The following ADGRL4 variants were observed in gnomAD, a reference collection of about 807,000 sequenced individuals.
The protein encoded by ADGRL4 is adhesion G protein-coupled receptor L4.
ADGRL4 carries 90 observed loss-of-function variants against 74.8 expected under a neutral mutation model. The observed-to-expected ratio is 1.20, with a 90% CI of 1.02 to 1.43. The LOEUF is 1.43. Among genes scored for constraint, ADGRL4 ranks in the 40% most tolerant of loss-of-function variants. The probability of loss-of-function intolerance (pLI) is 0.00; values close to 1 mark genes in which losing one functional copy is unlikely to be tolerated. For missense variants in ADGRL4, 881 were observed against 814.3 expected, an observed-to-expected ratio of 1.08 and a Z score of -1.00; for synonymous variants, 311 against 279.2, an observed-to-expected ratio of 1.11 and a Z score of -1.14.
chr1:78,922,211 C>T (rs140377029), intron 8 of ADGRL4, among the ~76,000 whole-genome samples: 1 of 151,856 alleles, frequency 6.6e-6, no homozygotes, highest in African/African-American at 2.4e-5. Flanking sequence ...AGAAAAGTAA[C>T]CCTGGGTAAG....
At chr1:78,961,744 T>G (rs1394861772) in intron 2 of ADGRL4, among the ~76,000 whole-genome samples, 1 of 152,118 alleles carries the variant, frequency 6.6e-6, no homozygotes, top group Non-Finnish European at 1.5e-5. Flanking sequence ...AAGATGCTCT[T>G]TCTGGGTGGA....
At chr1:78,946,489 C>T (rs1649604349) in intron 2 of ADGRL4, 63 bp from the exon 3 acceptor site, 41 of 1,407,526 alleles carry the variant, frequency 2.9e-5, no homozygotes, top group Non-Finnish European at 3.9e-5. Context: ...GACTATTTTC[C>T]ATCAGTATTT....
At chr1:78,972,613 GTAT>G (rs1650192053) in intron 2 of ADGRL4, among the ~76,000 whole-genome samples, 1 of 152,130 alleles carries the variant, frequency 6.6e-6, no homozygotes, top group African/African-American at 2.4e-5. Flanking sequence ...ATAAAATTTA[GTAT>G]TATTATTTTT....
At chr1:78,898,561 T>C (rs1182062750) in intron 12 of ADGRL4, among the ~76,000 whole-genome samples, 1 of 151,994 alleles carries the variant, frequency 6.6e-6, no homozygotes, top group African/African-American at 2.4e-5. Flanking sequence ...TCCATGATAC[T>C]TTGATAGAAA....
At chr1:78,992,790 C>T (rs977306252) in intron 2 of ADGRL4, among the ~76,000 whole-genome samples, 33 of 152,026 alleles carry the variant, frequency 2.2e-4, no homozygotes, top group Non-Finnish European at 1.2e-4. Flanking sequence ...ATGATTGATA[C>T]TTTTATACAA....
At chr1:78,985,387 T>G (rs562243730) in intron 2 of ADGRL4, among the ~76,000 whole-genome samples, 1 of 151,874 alleles carries the variant, frequency 6.6e-6, no homozygotes, top group Admixed American at 6.6e-5. Flanking sequence ...GGCTTAAAAT[T>G]TTTGCAATAA....
chr1:78,924,823 G>A (rs959279610), intron 8 of ADGRL4, among the ~76,000 whole-genome samples: 3 of 152,058 alleles, frequency 2.0e-5, no homozygotes, highest in African/African-American at 7.2e-5. Flanking sequence ...TTGGAGGTAA[G>A]CATGAGCGGA....
intron 12 of ADGRL4, among the ~76,000 whole-genome samples, chr1:78,908,206 T>C (rs1449007112): frequency 1.3e-5 from 2 of 151,990 alleles, no homozygotes; most frequent in Non-Finnish European, 2.9e-5. Context: ...CCTCTTGTAG[T>C]AGATCAGCTT....
At chr1:78,983,675 T>A (rs905007537) in intron 2 of ADGRL4, among the ~76,000 whole-genome samples, 8 of 151,752 alleles carry the variant, frequency 5.3e-5, no homozygotes, top group Non-Finnish European at 7.4e-5. Context: ...AGCTAACAGA[T>A]TAAAACTTTT....
At chr1:78,982,907 C>CA (rs942167971) in intron 2 of ADGRL4, among the ~76,000 whole-genome samples, 16 of 151,754 alleles carry the variant, frequency 1.1e-4, no homozygotes, top group Non-Finnish European at 2.1e-4. Flanking sequence ...GTTAGGACTT[C>CA]AAAGTGCTAC....
chr1:78,912,810 A>G lies in ADGRL4; in HGVS notation c.1749+4824T>C, dbSNP rs576752265. ...CAAATGTGAACTAATTAAACTAAAAAGCTTCTGCACAGCAAAACAATCAAC... is the reference window on the plus strand; with the variant it reads ...CAAATGTGAACTAATTAAACTAAAAGGCTTCTGCACAGCAAAACAATCAAC... On this transcript the variant is annotated intron_variant, in intron 12 of 14. Transcript: ENST00000370742. Among the ~76,000 whole-genome samples the G allele has an allele frequency of 8.1e-4, 123 of 152,074 alleles. 1 individual carries two copies. The highest frequency in any genetic ancestry group is 2.9e-3 in the African/African-American group (119 of 41,540).
At chr1:78,899,900 T>C (rs1648483275) in intron 12 of ADGRL4, among the ~76,000 whole-genome samples, 1 of 152,110 alleles carries the variant, frequency 6.6e-6, no homozygotes, top group African/African-American at 2.4e-5. Flanking sequence ...GTCCACACCT[T>C]GATTCCTGGA....
intron 2 of ADGRL4, 44 bp from the exon 3 acceptor site, chr1:78,946,470 A>G (rs758973372): frequency 6.7e-7 from 1 of 1,494,118 alleles, no homozygotes; most frequent in East Asian, 2.5e-5. Flanking sequence ...TATAATTGAC[A>G]TAAATTTTGA....
At position 78,917,825 on chromosome 1, in the gene ADGRL4, C is replaced by T; in HGVS notation, c.1682+5G>A. On this transcript the variant is annotated splice_donor_5th_base_variant and intron_variant, in intron 11 of 14. Coordinates refer to ENST00000370742, the MANE Select transcript of ADGRL4 (RefSeq NM_022159.4). ...TCAAATGCTCATGAAATCATTTTAACTTACACTTTGGTTGTGCCATAATAT... is the reference window on the plus strand; with the variant it reads ...TCAAATGCTCATGAAATCATTTTAATTTACACTTTGGTTGTGCCATAATAT... 1 of 1,611,190 alleles carries T rather than the reference C, an allele frequency of 6.2e-7. No individual in the cohort carries two copies. Among genetic ancestry groups the T allele is most frequent in the Non-Finnish European group, 8.5e-7 (1 of 1,177,952 alleles).
At chr1:78,997,812 C>A (rs1408216720) in intron 2 of ADGRL4, among the ~76,000 whole-genome samples, 1 of 152,056 alleles carries the variant, frequency 6.6e-6, no homozygotes, top group Non-Finnish European at 1.5e-5. Context: ...TGCCAGCTAG[C>A]CATTACCATC....
intron 2 of ADGRL4, among the ~76,000 whole-genome samples, chr1:78,961,700 T>A (rs1649955836): frequency 6.6e-6 from 1 of 152,088 alleles, no homozygotes; most frequent in South Asian, 2.1e-4. Context: ...GTAGCCCTGA[T>A]GTTCTTAAAT....
intron 2 of ADGRL4, among the ~76,000 whole-genome samples, chr1:79,000,924 A>C (rs2100742701): frequency 6.6e-6 from 1 of 152,270 alleles, no homozygotes; most frequent in East Asian, 1.9e-4. Flanking sequence ...TATTCATTTA[A>C]GAAGCTCCTC....
chr1:78,919,883 G>A (rs1253116410), intron 10 of ADGRL4, among the ~76,000 whole-genome samples: 1 of 151,864 alleles, frequency 6.6e-6, no homozygotes, highest in African/African-American at 2.4e-5. Flanking sequence ...CTTGGCCTTT[G>A]TTTAACGTCC....
intron 2 of ADGRL4, among the ~76,000 whole-genome samples, chr1:78,972,365 T>C (rs192159727): frequency 1.6e-4 from 24 of 152,318 alleles, no homozygotes; most frequent in Admixed American, 1.4e-3. Context: ...AATTCTAACA[T>C]TGTAATTAAT....
Sources: gnomAD v4.1 joint callset for allele counts (sites outside exome capture counted in the v4.1 genomes callset) on GRCh38, gnomAD v4.1.1 for gene constraint, MANE v1.5 for transcripts, NCBI Gene and HGNC (gene_info 2026-07-23, HGNC 2026-07-21) for gene names.